The following SLC10A7 variants were observed in gnomAD, a reference collection of about 807,000 sequenced individuals.
The protein encoded by SLC10A7 is sodium/bile acid cotransporter 7.
In SLC10A7, 29 loss-of-function variants were observed where a neutral mutation model predicts 43.2. That is an observed-to-expected ratio of 0.67 (90% CI 0.50 to 0.92). SLC10A7 has a LOEUF of 0.92. Among genes scored for constraint, SLC10A7 ranks in the 40% least tolerant of loss-of-function variants. SLC10A7 has a pLI of 0.00. For synonymous variants in SLC10A7, 152 were observed against 144.8 expected, an observed-to-expected ratio of 1.05 and a Z score of -0.35; for missense variants, 295 against 403.2, an observed-to-expected ratio of 0.73 and a Z score of 2.30.
chr4:146,412,795 CTATT>C (rs1424304236), intron 5 of SLC10A7, among the ~76,000 whole-genome samples: 1 of 152,004 alleles, frequency 6.6e-6, no homozygotes, highest in Non-Finnish European at 1.5e-5. Flanking sequence ...ATTGAACTAT[CTATT>C]GTTCTTACTT....
At chr4:146,425,707 C>T (rs1420573719) in intron 5 of SLC10A7, among the ~76,000 whole-genome samples, 1 of 152,114 alleles carries the variant, frequency 6.6e-6, no homozygotes, top group Non-Finnish European at 1.5e-5. Context: ...AAGGGGAAAC[C>T]AGCCAGCAAT....
chr4:146,410,501 C>A (rs112918694), intron 5 of SLC10A7, among the ~76,000 whole-genome samples: 2 of 152,114 alleles, frequency 1.3e-5, no homozygotes, highest in South Asian at 4.1e-4. Context: ...GCCAGGCCGA[C>A]TGTTTTAAAT....
chr4:146,343,437 T>C (rs72950681), intron 5 of SLC10A7, among the ~76,000 whole-genome samples: 1,658 of 152,196 alleles, frequency 0.011, 25 homozygotes, highest in African/African-American at 0.037. Flanking sequence ...TTCCTAACCA[T>C]TTATCTATGA....
chr4:146,341,394 T>C (rs980182432), intron 5 of SLC10A7, among the ~76,000 whole-genome samples: 4 of 151,588 alleles, frequency 2.6e-5, no homozygotes, highest in African/African-American at 9.7e-5. Context: ...AAAATGGCCA[T>C]ACACAAACAT....
chr4:146,371,205 T>C (rs2149778520), intron 5 of SLC10A7, among the ~76,000 whole-genome samples: 1 of 152,324 alleles, frequency 6.6e-6, no homozygotes. Context: ...AGATTAGGGT[T>C]CAAATCTGCT....
At chr4:146,503,739 G>A (rs1736633480) in intron 4 of SLC10A7, 110 bp downstream of exon 4, 2 of 906,694 alleles carry the variant, frequency 2.2e-6, no homozygotes, top group African/African-American at 3.3e-5. Context: ...AAGCTGCTAT[G>A]GCTAGGAGTT....
chr4:146,257,187 G>C (rs1181479231), intron 11 of SLC10A7, among the ~76,000 whole-genome samples: 2 of 151,988 alleles, frequency 1.3e-5, no homozygotes, highest in Non-Finnish European at 2.9e-5. Flanking sequence ...ATAAACATAA[G>C]CATAAATAGA....
At chr4:146,350,633 T>C (rs1735007975) in intron 5 of SLC10A7, among the ~76,000 whole-genome samples, 1 of 125,656 alleles carries the variant, frequency 8.0e-6, no homozygotes, top group African/African-American at 3.5e-5. Flanking sequence ...AGTGTCCCTG[T>C]CTGACAGCTT....
At chr4:146,505,118 A>G (rs539718509) in intron 3 of SLC10A7, among the ~76,000 whole-genome samples, 2 of 152,306 alleles carry the variant, frequency 1.3e-5, no homozygotes, top group African/African-American at 4.8e-5. Context: ...ATTAAAGGTT[A>G]CAGTTGGCCA....
At chr4:146,410,961 G>A (rs1389361905) in intron 5 of SLC10A7, among the ~76,000 whole-genome samples, 1 of 151,968 alleles carries the variant, frequency 6.6e-6, no homozygotes, top group Non-Finnish European at 1.5e-5. Flanking sequence ...AACCTCCCGA[G>A]TAATTGGAAT....
At chr4:146,494,018 C>G (rs1735680570) in intron 4 of SLC10A7, among the ~76,000 whole-genome samples, 1 of 152,172 alleles carries the variant, frequency 6.6e-6, no homozygotes, top group Non-Finnish European at 1.5e-5. Flanking sequence ...GTTCTTGAGA[C>G]AGCAATAATA....
intron 10 of SLC10A7, among the ~76,000 whole-genome samples, chr4:146,279,410 T>C (rs1729405872): frequency 6.6e-6 from 1 of 152,214 alleles, no homozygotes; most frequent in Admixed American, 6.6e-5. Context: ...AATTTCTTTC[T>C]TGACGAGATC....
intron 5 of SLC10A7, among the ~76,000 whole-genome samples, chr4:146,401,884 A>G (rs1739251044): frequency 6.6e-6 from 1 of 152,216 alleles, no homozygotes; most frequent in African/African-American, 2.4e-5. Flanking sequence ...CTAAGCTAAT[A>G]ATTAGATCAA....
chr4:146,264,534 G>GGGATATCAGTAACTGATATCA (rs1243123577), intron 10 of SLC10A7, among the ~76,000 whole-genome samples: 3 of 152,106 alleles, frequency 2.0e-5, no homozygotes, highest in African/African-American at 7.2e-5. Context: ...TACTGGTCTA[G>GGGATATCAGTAACTGATATCA]GTGGTAGGGA....
chr4:146,504,864 A>G lies in SLC10A7; in HGVS notation c.321-940T>C, dbSNP rs557712814. Among the ~76,000 whole-genome samples, 5 of 152,332 alleles carry G rather than the reference A, an allele frequency of 3.3e-5. No homozygotes were observed. The South Asian group carries it at 6.2e-4, about 19-fold the overall frequency. On this transcript the variant is annotated intron_variant, in intron 3 of 11. Transcript: ENST00000335472. ...AGTATCTATCCTCAATTTGGTTTTT[A>G]TTATATTATGTGCACACACCCAAGA... is the stretch of plus-strand genomic sequence containing the variant.
chr4:146,492,267 A>C (rs1275896760), intron 4 of SLC10A7, among the ~76,000 whole-genome samples: 1 of 152,122 alleles, frequency 6.6e-6, no homozygotes, highest in East Asian at 1.9e-4. Flanking sequence ...TGACTTTGTA[A>C]TGCAAGTAAA....
At chr4:146,351,554 G>A (rs1325870674) in intron 5 of SLC10A7, among the ~76,000 whole-genome samples, 5 of 150,762 alleles carry the variant, frequency 3.3e-5, no homozygotes, top group South Asian at 4.2e-4. Flanking sequence ...GATACTCCTC[G>A]AGAAGAGCAA....
chr4:146,319,374 A>G (rs1732539388), intron 6 of SLC10A7, among the ~76,000 whole-genome samples: 1 of 152,008 alleles, frequency 6.6e-6, no homozygotes, highest in African/African-American at 2.4e-5. Context: ...TTGCTCAAAT[A>G]TCATTTTCTC....
At chr4:146,294,983 G>C (rs1730682652) in intron 7 of SLC10A7, among the ~76,000 whole-genome samples, 2 of 152,232 alleles carry the variant, frequency 1.3e-5, no homozygotes, top group South Asian at 4.2e-4. Context: ...CTGCATAATT[G>C]AACATGAGAA....
Sources: allele counts gnomAD v4.1 joint callset (sites outside exome capture counted in the v4.1 genomes callset), GRCh38; gene constraint gnomAD v4.1.1; transcripts MANE v1.5; gene names NCBI Gene and HGNC (gene_info 2026-07-23, HGNC 2026-07-21).